The following HIPK3 variants were observed in gnomAD, a reference collection of about 807,000 sequenced individuals.
HIPK3 encodes homeodomain interacting protein kinase 3.
HIPK3 carries 47 observed loss-of-function variants against 124.2 expected under a neutral mutation model. That is an observed-to-expected ratio of 0.38 (90% CI 0.30 to 0.48). The LOEUF is 0.48. Among genes scored for constraint, HIPK3 ranks in the 20% least tolerant of loss-of-function variants. The pLI is 0.98. For missense variants in HIPK3, 1,286 were observed against 1,454.3 expected, an observed-to-expected ratio of 0.88 and a Z score of 1.88; for synonymous variants, 482 against 515.2, an observed-to-expected ratio of 0.94 and a Z score of 0.87.
chr11:33,294,776 A>G (rs948448261), intron 2 of HIPK3, among the ~76,000 whole-genome samples: 2 of 152,114 alleles, frequency 1.3e-5, no homozygotes, highest in Non-Finnish European at 2.9e-5. Flanking sequence ...CATGAATGCA[A>G]TTTGGTTTTG....
chr11:33,257,356 G>A (rs1850692639), upstream of HIPK3: 1 of 984,796 alleles, frequency 1.0e-6, no homozygotes, highest in Non-Finnish European at 1.2e-6. Flanking sequence ...CGAGCGCGGA[G>A]GAGGGGCCCG....
intron 2 of HIPK3, among the ~76,000 whole-genome samples, chr11:33,302,363 G>A (rs1382850356): frequency 4.7e-5 from 1 of 21,182 alleles, no homozygotes; most frequent in Non-Finnish European, 1.5e-4. Flanking sequence ...TTTTGAGAAG[G>A]AGTCTGACTG....
intron 1 of HIPK3, among the ~76,000 whole-genome samples, chr11:33,279,296 G>A (rs1349388490): frequency 2.2e-5 from 3 of 134,454 alleles, no homozygotes; most frequent in Non-Finnish European, 3.0e-5. Context: ...GCACTCCAGC[G>A]CAGGCAACAG....
At chr11:33,258,205 GC>G (rs1203872381) in intron 1 of HIPK3, 17 of 642,066 alleles carry the variant, frequency 2.6e-5, no homozygotes, top group Non-Finnish European at 2.7e-5. Flanking sequence ...GGGGGCCTCG[GC>G]CCCCCCTCCC....
Position 33,286,583 on chromosome 11 carries a change from A to T in HIPK3, c.169A>T (p.Thr57Ser). Reference protein sequence around the residue: ...GRNFGNSHPPTKGSAFQTKIP... With the variant: ...GRNFGNSHPPSKGSAFQTKIP... ...AAACTTTGGAAATTCTCATCCTCCC[A>T]CTAAGGGTAGTGCTTTTCAGACAAA... The change falls in exon 2 of 17, where the codon ACT becomes TCT. Residue 57 changes from threonine to serine, a missense_variant. By Grantham distance (58) the Thr-to-Ser change is moderately conservative. This residue lies in a region of HIPK3 where 225 missense variants were observed against 240.3 expected (regional missense o/e 0.94). Coordinates refer to ENST00000303296, the MANE Select transcript of HIPK3 (RefSeq NM_005734.5). 6.2e-7 allele frequency: 1 copy of T among 1,614,102 alleles called. No individual in the cohort carries two copies. The highest frequency in any genetic ancestry group is 2.2e-5 in the East Asian group (1 of 44,878).
chr11:33,324,858 C>T (rs1852765728), intron 2 of HIPK3, among the ~76,000 whole-genome samples: 1 of 152,368 alleles, frequency 6.6e-6, no homozygotes, highest in Non-Finnish European at 1.5e-5. Context: ...CAAGTTTCTC[C>T]TCACCTCCTT....
intron 2 of HIPK3, among the ~76,000 whole-genome samples, chr11:33,301,070 T>A (rs1851985135): frequency 6.6e-6 from 1 of 152,238 alleles, no homozygotes; most frequent in Non-Finnish European, 1.5e-5. Context: ...CATGCTGATA[T>A]GTCCAATTTT....
At position 33,354,732 on chromosome 11, in the gene HIPK3, A is replaced by C. The variant is rs1331196843; in HGVS notation, c.*1164A>C. The C allele has an allele frequency of 6.7e-6, 1 of 149,082 alleles. No individual in the cohort carries two copies. The highest frequency in any genetic ancestry group is 6.7e-5 in the Admixed American group (1 of 14,874). The allele number at this position is 149,082 out of a possible 1,614,324, so 9.2% of individuals were successfully genotyped here. On this transcript the variant is annotated 3_prime_UTR_variant, in exon 17 of 17. Transcript: ENST00000303296. ...TTTTTTTTAAGTATTTTTACATTGCAGTACTTGTTTTGCTTGTTGGTGATG... is the reference window on the plus strand; with the variant it reads ...TTTTTTTTAAGTATTTTTACATTGCCGTACTTGTTTTGCTTGTTGGTGATG...
intron 1 of HIPK3, among the ~76,000 whole-genome samples, chr11:33,259,945 T>C (rs1253162335): frequency 6.6e-6 from 1 of 152,210 alleles, no homozygotes; most frequent in Non-Finnish European, 1.5e-5. Flanking sequence ...TGGGCATTGC[T>C]GACTACAGTA....
At chr11:33,301,638 CTT>C (rs1687701478) in intron 2 of HIPK3, among the ~76,000 whole-genome samples, 1 of 145,532 alleles carries the variant, frequency 6.9e-6, no homozygotes, top group African/African-American at 2.5e-5. Context: ...AAAAAAAAAA[CTT>C]GGGCATGGTG....
Position 33,331,464 on chromosome 11 carries a change from A to G in HIPK3, c.1221+2831A>G, listed in dbSNP as rs149286454. ...TCATAGCTCACTGCAGTCTTGAACT[A>G]CTGGGCTCGAGGAATCCTCCTACCT... On this transcript the variant is annotated intron_variant, in intron 3 of 16. Transcript: ENST00000303296. Among the ~76,000 whole-genome samples the G allele has an allele frequency of 7.8e-4, 119 of 152,190 alleles. 2 individuals are homozygous for G. In the East Asian group the frequency reaches 0.021, roughly 27 times the overall value.
intron 2 of HIPK3, among the ~76,000 whole-genome samples, chr11:33,310,744 G>A (rs936415770): frequency 2.0e-5 from 3 of 152,190 alleles, no homozygotes; most frequent in African/African-American, 2.4e-5. Flanking sequence ...GAACATTTCC[G>A]TTGTTGCGAA....
intron 1 of HIPK3, among the ~76,000 whole-genome samples, chr11:33,277,905 A>C (rs1851312895): frequency 6.6e-6 from 1 of 152,146 alleles, no homozygotes; most frequent in Non-Finnish European, 1.5e-5. Context: ...TTGTCTGTTT[A>C]TATCTTCTGT....
At chr11:33,300,771 G>T (rs1469304577) in intron 2 of HIPK3, among the ~76,000 whole-genome samples, 1 of 152,074 alleles carries the variant, frequency 6.6e-6, no homozygotes, top group African/African-American at 2.4e-5. Flanking sequence ...GTCTCACTCA[G>T]TCACCCAGAC....
chr11:33,273,770 C>G (rs1199750471), intron 1 of HIPK3, among the ~76,000 whole-genome samples: 2 of 152,098 alleles, frequency 1.3e-5, no homozygotes, highest in Non-Finnish European at 2.9e-5. Context: ...CCCACAATGT[C>G]TTTCATAAAG....
At chr11:33,282,423 T>A (rs1487748110) in intron 1 of HIPK3, among the ~76,000 whole-genome samples, 1 of 152,058 alleles carries the variant, frequency 6.6e-6, no homozygotes, top group Non-Finnish European at 1.5e-5. Flanking sequence ...GGCTCATGCC[T>A]GTAATCTCAG....
At chr11:33,273,947 G>C (rs1273268308) in intron 1 of HIPK3, among the ~76,000 whole-genome samples, 1 of 152,150 alleles carries the variant, frequency 6.6e-6, no homozygotes, top group African/African-American at 2.4e-5. Flanking sequence ...CATTCTGTTG[G>C]TTTTTAGAAT....
chr11:33,317,709 G>A (rs1010689757), intron 2 of HIPK3, among the ~76,000 whole-genome samples: 3 of 152,152 alleles, frequency 2.0e-5, no homozygotes, highest in Admixed American at 2.0e-4. Flanking sequence ...TATTTGCTGT[G>A]CTTGTACAAA....
intron 5 of HIPK3, 69 bp downstream of exon 5, chr11:33,338,912 A>C: frequency 9.5e-7 from 1 of 1,055,466 alleles, no homozygotes; most frequent in Non-Finnish European, 1.4e-6. Context: ...AAGGGGCCCA[A>C]AACATGTTAC....
Sources: gnomAD v4.1 joint callset for allele counts (sites outside exome capture counted in the v4.1 genomes callset) on GRCh38, gnomAD v4.1.1 for gene constraint, gnomAD v4.1.1 regional missense constraint, MANE v1.5 for transcripts, NCBI Gene and HGNC (gene_info 2026-07-23, HGNC 2026-07-21) for gene names.